The following CHN1 variants were observed in gnomAD, a reference collection of about 807,000 sequenced individuals.
The protein encoded by CHN1 is chimerin 1, also known as N-chimaerin.
CHN1 carries 37 observed loss-of-function variants against 59.5 expected under a neutral mutation model. That is an observed-to-expected ratio of 0.62 (90% CI 0.48 to 0.82). The LOEUF (loss-of-function observed/expected upper bound fraction) is 0.82, where lower values mean the gene tolerates loss of function less well. Among genes scored for constraint, CHN1 ranks in the 40% least tolerant of loss-of-function variants. The pLI, the probability that CHN1 is intolerant of heterozygous loss-of-function variation, is 0.00. For synonymous variants in CHN1, 206 were observed against 200.4 expected (o/e 1.03, Z -0.24); for missense variants, 469 against 571.0 (o/e 0.82, Z 1.82).
chr2:174,942,508 G>A (rs1476565497), intron 3 of CHN1, among the ~76,000 whole-genome samples: 1 of 151,420 alleles, frequency 6.6e-6, no homozygotes, highest in African/African-American at 2.4e-5. Context: ...GGCTGGGAGG[G>A]GTAGAGGAAA....
At chr2:174,901,270 A>T (rs997468415) in intron 5 of CHN1, among the ~76,000 whole-genome samples, 1 of 152,134 alleles carries the variant, frequency 6.6e-6, no homozygotes, top group Non-Finnish European at 1.5e-5. Flanking sequence ...CTCTTCTTTC[A>T]GTTCAGAGAT....
chr2:174,867,898 A>G (rs1051924168), intron 6 of CHN1, among the ~76,000 whole-genome samples: 2 of 152,180 alleles, frequency 1.3e-5, no homozygotes, highest in African/African-American at 4.8e-5. Context: ...TAATTTTTAT[A>G]TTCTTATTGT....
intron 11 of CHN1, among the ~76,000 whole-genome samples, chr2:174,804,371 G>C (rs1406146644): frequency 6.6e-6 from 1 of 152,166 alleles, no homozygotes; most frequent in African/African-American, 2.4e-5. Flanking sequence ...CATGTCAAGG[G>C]ATGTAGGCTA....
intron 1 of CHN1, among the ~76,000 whole-genome samples, chr2:174,982,829 T>C (rs1026933436): frequency 6.6e-6 from 1 of 152,220 alleles, no homozygotes; most frequent in Non-Finnish European, 1.5e-5. Context: ...TGTTCTTTTT[T>C]TAATTTAAAA....
At chr2:174,949,561 G>A (rs771685833) in intron 2 of CHN1, among the ~76,000 whole-genome samples, 2 of 152,044 alleles carry the variant, frequency 1.3e-5, no homozygotes, top group East Asian at 1.9e-4. Flanking sequence ...GATGGGATCC[G>A]CCTAAATTGG....
intron 6 of CHN1, 124 bp downstream of exon 6, chr2:174,877,716 A>C: frequency 1.4e-6 from 1 of 724,230 alleles, no homozygotes; most frequent in Non-Finnish European, 2.1e-6. Flanking sequence ...CAGAAACTAG[A>C]CATTAAGAAA....
At chr2:174,990,299 G>A (rs1015007685) in intron 1 of CHN1, among the ~76,000 whole-genome samples, 2 of 127,110 alleles carry the variant, frequency 1.6e-5, no homozygotes, top group Non-Finnish European at 3.3e-5. Flanking sequence ...GCGAGCGCAA[G>A]AGCAAGAGTG....
At chr2:174,847,327 T>A in intron 6 of CHN1, 2 of 1,311,572 alleles carry the variant, frequency 1.5e-6, no homozygotes, top group Non-Finnish European at 9.7e-7. Context: ...AAATTCTTCT[T>A]TCTTCCTTTT....
At chr2:174,835,181 A>T (rs1380939243) in intron 7 of CHN1, among the ~76,000 whole-genome samples, 1 of 152,216 alleles carries the variant, frequency 6.6e-6, no homozygotes, top group African/African-American at 2.4e-5. Context: ...TACTGAATGA[A>T]TATTGCTTTC....
At chr2:174,933,014 A>C (rs971368615) in intron 3 of CHN1, among the ~76,000 whole-genome samples, 1 of 152,198 alleles carries the variant, frequency 6.6e-6, no homozygotes, top group Non-Finnish European at 1.5e-5. Flanking sequence ...TTGGTCTGGG[A>C]AACTGGAATT....
chr2:174,973,598 C>A (rs1690828047), intron 1 of CHN1, among the ~76,000 whole-genome samples: 1 of 152,168 alleles, frequency 6.6e-6, no homozygotes, highest in South Asian at 2.1e-4. Context: ...CTTCTGGGTG[C>A]TCAGGAGGAA....
chr2:174,900,743 T>A (rs959301105), intron 5 of CHN1, among the ~76,000 whole-genome samples: 1 of 151,454 alleles, frequency 6.6e-6, no homozygotes, highest in African/African-American at 2.4e-5. Context: ...AAGCAGAGGT[T>A]GCAGTGAGCT....
At chr2:174,997,728 G>T (rs1204378876) in intron 1 of CHN1, among the ~76,000 whole-genome samples, 1 of 152,022 alleles carries the variant, frequency 6.6e-6, no homozygotes, top group African/African-American at 2.4e-5. Flanking sequence ...CAATGGCAAA[G>T]TTCTATATAA....
At chr2:174,805,735 G>A (rs1447270297) in intron 11 of CHN1, among the ~76,000 whole-genome samples, 2 of 152,226 alleles carry the variant, frequency 1.3e-5, no homozygotes, top group Non-Finnish European at 2.9e-5. Context: ...TCTACAGTAT[G>A]TCTAGTTAAT....
At chr2:174,962,488 T>C (rs988012376) in intron 1 of CHN1, among the ~76,000 whole-genome samples, 3 of 152,156 alleles carry the variant, frequency 2.0e-5, no homozygotes, top group Admixed American at 6.5e-5. Context: ...TTTTTGATTC[T>C]GTCAGAAAAT....
chr2:174,837,740 T>C (rs1684038287), intron 7 of CHN1, among the ~76,000 whole-genome samples: 1 of 152,184 alleles, frequency 6.6e-6, no homozygotes, highest in Non-Finnish European at 1.5e-5. Context: ...AAAAAAATAA[T>C]TTACAGTGGT....
chr2:174,947,350 ATTTC>A, intron 2 of CHN1, among the ~76,000 whole-genome samples: 1 of 152,210 alleles, frequency 6.6e-6, no homozygotes, highest in African/African-American at 2.4e-5. Flanking sequence ...TTACTTTTCA[ATTTC>A]TTTCAAATCC....
At chr2:174,956,173 TGA>T (rs1005095877) in intron 1 of CHN1, among the ~76,000 whole-genome samples, 21 of 152,100 alleles carry the variant, frequency 1.4e-4, no homozygotes, top group African/African-American at 4.6e-4. Context: ...ATAAAAGCAT[TGA>T]GAGAGGAGTA....
intron 7 of CHN1, among the ~76,000 whole-genome samples, chr2:174,835,009 T>A (rs1460709023): frequency 3.9e-5 from 6 of 152,206 alleles, no homozygotes; most frequent in African/African-American, 1.2e-4. Context: ...ATTCTTAGGC[T>A]GAGGCAAAGT....
Sources: allele counts gnomAD v4.1 joint callset (sites outside exome capture counted in the v4.1 genomes callset), GRCh38; gene constraint gnomAD v4.1.1; transcripts MANE v1.5; gene names NCBI Gene and HGNC (gene_info 2026-07-23, HGNC 2026-07-21).